Variants in TPRG1 observed in about 807,000 individuals in gnomAD.
TPRG1 encodes the protein tumor protein p63-regulated gene 1 protein.
Under a neutral mutation model 29.3 loss-of-function variants are expected in TPRG1, and 29 were observed. The ratio of observed to expected loss-of-function variants is 0.99; its 90% confidence interval spans 0.74 to 1.35. The LOEUF is 1.35. Ranked by LOEUF, TPRG1 falls within the 40% of genes most tolerant of loss-of-function variation. The pLI is 0.00. For synonymous variants in TPRG1, 130 were observed against 116.8 expected (o/e 1.11, Z -0.73); for missense variants, 327 against 335.0 (o/e 0.98, Z 0.19).
At chr3:189,018,108 TC>T (rs1713056244) in intron 3 of TPRG1, among the ~76,000 whole-genome samples, 1 of 152,232 alleles carries the variant, frequency 6.6e-6, no homozygotes, top group African/African-American at 2.4e-5. Flanking sequence ...TTGTTGAAGT[TC>T]TTTGTAGATT....
Position 189,290,001 on chromosome 3 carries a change from A to G in TPRG1, c.480-20385A>G, listed in dbSNP as rs145414882. On this transcript the variant is annotated intron_variant, in intron 4 of 5. Coordinates refer to ENST00000345063, the MANE Select transcript of TPRG1 (RefSeq NM_198485.4). Reference sequence around the variant, plus strand: ...TTTATGTTAAAATCAACCAATGTAAATGAAATGCAATAGGAAACATAATTA... The same window carrying G: ...TTTATGTTAAAATCAACCAATGTAAGTGAAATGCAATAGGAAACATAATTA... 1.1e-4 allele frequency among the ~76,000 whole-genome samples: 16 copies of G among 152,342 alleles called. No homozygotes were observed. In the East Asian group the frequency reaches 2.9e-3, roughly 28 times the overall value.
chr3:189,124,229 A>G (rs569777495), intron 1 of TPRG1, among the ~76,000 whole-genome samples: 5 of 152,216 alleles, frequency 3.3e-5, no homozygotes, highest in African/African-American at 9.6e-5. Flanking sequence ...CTTGTCTTTA[A>G]GGAGCCTCAG....
chr3:189,212,788 T>C (rs2108827898), intron 2 of TPRG1, among the ~76,000 whole-genome samples: 1 of 152,280 alleles, frequency 6.6e-6, no homozygotes, highest in East Asian at 1.9e-4. Context: ...TCTATACCAC[T>C]CCTGTTTAGC....
intron 3 of TPRG1, among the ~76,000 whole-genome samples, chr3:189,222,082 G>T (rs1737024639): frequency 6.6e-6 from 1 of 152,124 alleles, no homozygotes; most frequent in Non-Finnish European, 1.5e-5. Flanking sequence ...GCAGGGAATA[G>T]GATCAGGGGT....
At chr3:189,227,635 T>G (rs571415820) in intron 3 of TPRG1, among the ~76,000 whole-genome samples, 54 of 152,328 alleles carry the variant, frequency 3.5e-4, no homozygotes, top group African/African-American at 1.3e-3. Flanking sequence ...ACTTAAAAAA[T>G]GCAATCATTG....
chr3:189,200,024 A>G (rs1733202277), intron 1 of TPRG1, among the ~76,000 whole-genome samples: 1 of 152,210 alleles, frequency 6.6e-6, no homozygotes, highest in Non-Finnish European at 1.5e-5. Context: ...TGACCTACCC[A>G]GGGTCACTCT....
In TPRG1 at chr3:189,271,886, G is replaced by A. The variant is rs375867346; in HGVS notation, c.479+32977G>A. Reference sequence around the variant, plus strand: ...TTAACTTCTCCGTAGCTCTAAGTCCGATCTCATCTGTAAAAATAGAGATAA... The same window carrying A: ...TTAACTTCTCCGTAGCTCTAAGTCCAATCTCATCTGTAAAAATAGAGATAA... On this transcript the variant is annotated intron_variant, in intron 4 of 5. Transcript: ENST00000345063. Among the ~76,000 whole-genome samples the A allele has an allele frequency of 1.2e-4, 19 of 152,254 alleles. No homozygotes were observed. In the South Asian group the frequency reaches 3.3e-3, roughly 27 times the overall value.
chr3:189,303,325 A>G (rs983276990), intron 4 of TPRG1, among the ~76,000 whole-genome samples: 1 of 152,188 alleles, frequency 6.6e-6, no homozygotes, highest in Non-Finnish European at 1.5e-5. Flanking sequence ...GAGGAAAAAT[A>G]CTTCTCTGTG....
intron 3 of TPRG1, among the ~76,000 whole-genome samples, chr3:189,134,997 G>A (rs79041149): frequency 0.043 from 6,618 of 152,254 alleles, 352 homozygotes; most frequent in African/African-American, 0.13. Flanking sequence ...GTTTTACGGG[G>A]TCCCTGAAAA....
chr3:189,203,686 T>C lies in TPRG1; in HGVS notation c.-9-3690T>C, dbSNP rs571073081. 4.6e-5 allele frequency among the ~76,000 whole-genome samples: 7 copies of C among 152,286 alleles called. No individual in the cohort carries two copies. The South Asian group carries it at 1.2e-3, about 27-fold the overall frequency. ...GAATAAGCAATTAATATTGTAGCATTTTGCTTCTTTCAGGTAGTTTTTATT... is the reference window on the plus strand; with the variant it reads ...GAATAAGCAATTAATATTGTAGCATCTTGCTTCTTTCAGGTAGTTTTTATT... On this transcript the variant is annotated intron_variant, in intron 1 of 5. Transcript: ENST00000345063.
chr3:189,211,721 G>C (rs1424707767), intron 2 of TPRG1: 1 of 152,138 alleles, frequency 6.6e-6, no homozygotes, highest in Non-Finnish European at 1.5e-5. Context: ...ATGACTTGGT[G>C]CCAAGGTCAA....
chr3:189,068,856 T>G (rs1716636796), intron 4 of TPRG1, among the ~76,000 whole-genome samples: 1 of 151,808 alleles, frequency 6.6e-6, no homozygotes, highest in Non-Finnish European at 1.5e-5. Flanking sequence ...TGCAACAACG[T>G]GGAGAGAACT....
intron 4 of TPRG1, among the ~76,000 whole-genome samples, chr3:189,273,371 C>T (rs1327285833): frequency 6.6e-6 from 1 of 152,082 alleles, no homozygotes; most frequent in Non-Finnish European, 1.5e-5. Context: ...AGAAATGCAC[C>T]TCACTCAGAT....
intron 4 of TPRG1, among the ~76,000 whole-genome samples, chr3:189,055,580 T>C (rs868129614): frequency 6.6e-6 from 1 of 152,194 alleles, no homozygotes; most frequent in Admixed American, 6.5e-5. Context: ...TCCATCTTCC[T>C]GACCAGAGGG....
chr3:189,139,480 C>A (rs1013515043), intron 3 of TPRG1, among the ~76,000 whole-genome samples: 1 of 152,180 alleles, frequency 6.6e-6, no homozygotes, highest in East Asian at 1.9e-4. Context: ...TCAAACAGTG[C>A]GTGCCGCATC....
intron 4 of TPRG1, among the ~76,000 whole-genome samples, chr3:189,299,452 C>T (rs1720488347): frequency 6.6e-6 from 1 of 152,060 alleles, no homozygotes. Flanking sequence ...GTTACATACC[C>T]CTCAAAATTG....
At chr3:189,265,697 T>G (rs1357677718) in intron 4 of TPRG1, among the ~76,000 whole-genome samples, 12 of 152,176 alleles carry the variant, frequency 7.9e-5, no homozygotes, top group Admixed American at 7.9e-4. Context: ...AGGAAGCACT[T>G]TCCTCCATTC....
At chr3:189,041,112 C>T (rs710515) in intron 4 of TPRG1, among the ~76,000 whole-genome samples, 152,155 of 152,302 alleles carry the variant, frequency 1, 76,004 homozygotes, top group Middle Eastern at 1. Context: ...CAGGGAACCC[C>T]TGAGCCACAG....
At chr3:189,184,655 G>A (rs1266251015) in intron 1 of TPRG1, among the ~76,000 whole-genome samples, 1 of 152,090 alleles carries the variant, frequency 6.6e-6, no homozygotes, top group Non-Finnish European at 1.5e-5. Flanking sequence ...GTAGCTCTCT[G>A]CCTGTGTTAT....
Sources: gnomAD v4.1 joint callset for allele counts (sites outside exome capture counted in the v4.1 genomes callset) on GRCh38, gnomAD v4.1.1 for gene constraint, MANE v1.5 for transcripts, NCBI Gene and HGNC (gene_info 2026-07-23, HGNC 2026-07-21) for gene names.